SPATA16: variants seen among roughly 807,000 people sequenced by gnomAD.
The protein encoded by SPATA16 is spermatogenesis associated 16.
SPATA16 carries 36 observed loss-of-function variants against 63.3 expected under a neutral mutation model. The observed-to-expected ratio is 0.57, with a 90% confidence interval of 0.44 to 0.75. The LOEUF is 0.75. Ranked by LOEUF, SPATA16 falls within the 30% of genes least tolerant of loss-of-function variation. The pLI is 0.00. For synonymous variants in SPATA16, 203 were observed against 216.7 expected, an observed-to-expected ratio of 0.94 and a Z score of 0.56; for missense variants, 646 against 679.3, an observed-to-expected ratio of 0.95 and a Z score of 0.54.
intron 3 of SPATA16, among the ~76,000 whole-genome samples, chr3:173,037,684 A>G (rs961579932): frequency 6.6e-6 from 1 of 152,092 alleles, no homozygotes; most frequent in Non-Finnish European, 1.5e-5. Context: ...GAGCAAAGTT[A>G]TAGACAGTGC....
intron 2 of SPATA16, among the ~76,000 whole-genome samples, chr3:173,051,409 A>C (rs565330703): frequency 6.6e-6 from 1 of 152,058 alleles, no homozygotes; most frequent in Non-Finnish European, 1.5e-5. Flanking sequence ...TCACCGTGTT[A>C]GCCAGGATGA....
At chr3:173,042,847 G>C (rs372851986) in intron 3 of SPATA16, among the ~76,000 whole-genome samples, 8 of 151,966 alleles carry the variant, frequency 5.3e-5, no homozygotes, top group Admixed American at 3.3e-4. Flanking sequence ...GTCTTAAATT[G>C]ATTTCTAATT....
At chr3:172,983,328 CTTTT>C (rs59406777) in intron 4 of SPATA16, among the ~76,000 whole-genome samples, 2 of 142,472 alleles carry the variant, frequency 1.4e-5, no homozygotes, top group African/African-American at 2.5e-5. Flanking sequence ...AGTGACCTCT[CTTTT>C]TTTTTTTTTG....
At chr3:172,889,760 C>T (rs9832493) in intron 10 of SPATA16, 68 bp from the exon 11 acceptor site, 45,953 of 1,586,852 alleles carry the variant, frequency 0.029, 1,327 homozygotes, top group African/African-American at 0.15. Context: ...CTTATAAAAA[C>T]GGTGAGGTAT....
intron 3 of SPATA16, among the ~76,000 whole-genome samples, chr3:173,046,373 A>G (rs1735955775): frequency 6.6e-6 from 1 of 152,016 alleles, no homozygotes; most frequent in Admixed American, 6.6e-5. Flanking sequence ...TTTAGTTTAA[A>G]TGGCAGTGCT....
At chr3:173,023,526 G>A (rs1055139500) in intron 3 of SPATA16, among the ~76,000 whole-genome samples, 4 of 151,542 alleles carry the variant, frequency 2.6e-5, no homozygotes, top group Admixed American at 1.3e-4. Flanking sequence ...TATCATTTTT[G>A]TTTCTTCCAG....
intron 2 of SPATA16, among the ~76,000 whole-genome samples, chr3:173,112,483 G>C (rs554555245): frequency 6.6e-6 from 1 of 152,154 alleles, no homozygotes; most frequent in Admixed American, 6.5e-5. Context: ...AGCGGATCCC[G>C]ACTCCACCAC....
At chr3:172,935,555 A>G (rs1732969543) in intron 6 of SPATA16, among the ~76,000 whole-genome samples, 1 of 152,230 alleles carries the variant, frequency 6.6e-6, no homozygotes, top group African/African-American at 2.4e-5. Flanking sequence ...ATTTACAAAT[A>G]TAAGTCAGAC....
chr3:173,098,439 A>G (rs1040968575), intron 2 of SPATA16, among the ~76,000 whole-genome samples: 2 of 152,232 alleles, frequency 1.3e-5, no homozygotes, highest in Admixed American at 6.5e-5. Flanking sequence ...AACATTTACC[A>G]AAGCTACAAT....
chr3:172,905,338 C>A (rs945226010), intron 10 of SPATA16, among the ~76,000 whole-genome samples: 11 of 152,120 alleles, frequency 7.2e-5, no homozygotes, highest in African/African-American at 2.7e-4. Context: ...GACAGCAGTA[C>A]CCTCAGAAGT....
intron 2 of SPATA16, among the ~76,000 whole-genome samples, chr3:173,074,992 C>CAAAAAAAAAA (rs35683679): frequency 4.5e-5 from 3 of 66,802 alleles, no homozygotes; most frequent in African/African-American, 8.6e-5. Context: ...GACTCTATCT[C>CAAAAAAAAAA]AAAAAAAAAA....
intron 2 of SPATA16, among the ~76,000 whole-genome samples, chr3:173,102,441 GC>G (rs1737518224): frequency 6.6e-6 from 1 of 152,184 alleles, no homozygotes; most frequent in Admixed American, 6.5e-5. Context: ...TTCTGGTGAG[GC>G]CTCAGGGTGC....
At chr3:173,085,175 T>C (rs1737021065) in intron 2 of SPATA16, among the ~76,000 whole-genome samples, 2 of 152,078 alleles carry the variant, frequency 1.3e-5, no homozygotes, top group Admixed American at 6.6e-5. Flanking sequence ...CATTTGTTTG[T>C]GTCCTGATTT....
rs188131071 is a variant in SPATA16, at chr3:173,016,612, T to A, written c.848+2874A>T. Among the ~76,000 whole-genome samples the A allele has an allele frequency of 5.3e-5, 8 of 152,356 alleles. No individual in the cohort carries two copies. In the East Asian group the frequency reaches 1.3e-3, roughly 26 times the overall value. On this transcript the variant is annotated intron_variant, in intron 4 of 10. Coordinates refer to ENST00000351008, the MANE Select transcript of SPATA16 (RefSeq NM_031955.6). ...CAAGAAACATGACTGCGTAGCATGCTACAGGAAATAACCTTGATGTGTTGT... is the reference window on the plus strand; with the variant it reads ...CAAGAAACATGACTGCGTAGCATGCAACAGGAAATAACCTTGATGTGTTGT...
intron 6 of SPATA16, among the ~76,000 whole-genome samples, chr3:172,933,199 A>G (rs192972810): frequency 1.3e-5 from 2 of 152,298 alleles, no homozygotes; most frequent in South Asian, 2.1e-4. Flanking sequence ...TATTAGACTC[A>G]CATCATTGAA....
intron 2 of SPATA16, among the ~76,000 whole-genome samples, chr3:173,084,798 T>C (rs138436917): frequency 2.6e-4 from 40 of 152,310 alleles, no homozygotes; most frequent in African/African-American, 9.6e-4. Context: ...TTGCTTGTTT[T>C]TGTCAGGTTT....
Position 173,122,626 on chromosome 3 carries a change from AC to A in SPATA16, c.-18-4878del, listed in dbSNP as rs1452360358. Among the ~76,000 whole-genome samples the A allele has an allele frequency of 4.6e-5, 7 of 152,222 alleles. No individual in the cohort carries two copies. In the East Asian group the frequency reaches 5.8e-4, roughly 13 times the overall value. ...TTCTTTTAAATGTTTTAAAAAACAC[AC>A]TACAAAATATTTCTTCAATCCAATA... is the stretch of plus-strand genomic sequence containing the variant. On this transcript the variant is annotated intron_variant, in intron 1 of 10. Coordinates refer to ENST00000351008, the MANE Select transcript of SPATA16 (RefSeq NM_031955.6).
intron 4 of SPATA16, among the ~76,000 whole-genome samples, chr3:173,003,450 T>C (rs1394823063): frequency 3.9e-5 from 6 of 152,292 alleles, no homozygotes; most frequent in Non-Finnish European, 7.4e-5. Context: ...GGTCTTGACA[T>C]AAAATAAAGC....
intron 6 of SPATA16, among the ~76,000 whole-genome samples, chr3:172,955,506 A>G (rs1031080764): frequency 1.3e-5 from 2 of 152,188 alleles, no homozygotes; most frequent in Non-Finnish European, 2.9e-5. Flanking sequence ...TAAGTAAATC[A>G]GCACATATGG....
Sources: gnomAD v4.1 joint callset for allele counts (sites outside exome capture counted in the v4.1 genomes callset) on GRCh38, gnomAD v4.1.1 for gene constraint, MANE v1.5 for transcripts, NCBI Gene and HGNC (gene_info 2026-07-23, HGNC 2026-07-21) for gene names.